The following SEM1 variants were observed in gnomAD, a reference collection of about 807,000 sequenced individuals.
SEM1 encodes SEM1 26S proteasome subunit.
SEM1 carries 3 observed loss-of-function variants against 12.7 expected under a neutral mutation model. The observed-to-expected ratio is 0.24, with a 90% confidence interval of 0.11 to 0.61. The LOEUF (loss-of-function observed/expected upper bound fraction) is 0.61. SEM1 is among the 20% of genes least tolerant of loss of function. SEM1 has a pLI of 0.88. For missense variants in SEM1, 59 were observed against 81.3 expected (o/e 0.73, Z 1.06); for synonymous variants, 30 against 27.8 (o/e 1.08, Z -0.25).
At chr7:96,662,435 C>T (rs556033400) in intron 2 of SEM1, among the ~76,000 whole-genome samples, 14 of 152,200 alleles carry the variant, frequency 9.2e-5, no homozygotes, top group African/African-American at 2.2e-4. Context: ...AACCAAACAC[C>T]GCATGCTCTC....
intron 2 of SEM1, among the ~76,000 whole-genome samples, chr7:96,560,443 A>C (rs908197021): frequency 2.6e-5 from 4 of 152,158 alleles, no homozygotes; most frequent in Non-Finnish European, 4.4e-5. Flanking sequence ...TTCTTTAGTA[A>C]AGTACAATTA....
chr7:96,630,783 C>T (rs1050205433), intron 2 of SEM1, among the ~76,000 whole-genome samples: 22 of 151,500 alleles, frequency 1.5e-4, no homozygotes, highest in Admixed American at 1.4e-3. Flanking sequence ...CACCCAAGGC[C>T]CTTGCCATGA....
chr7:96,677,701 A>C (rs1789488775), intron 2 of SEM1, among the ~76,000 whole-genome samples: 1 of 152,002 alleles, frequency 6.6e-6, no homozygotes, highest in Non-Finnish European at 1.5e-5. Flanking sequence ...CATCATTATT[A>C]TCTCTTTTTA....
exon 4 of SEM1, chr7:96,482,668 A>G (rs1171765433): frequency 1.3e-5 from 2 of 152,168 alleles, no homozygotes; most frequent in African/African-American, 4.8e-5. Context: ...TTGGGGGCAA[A>G]TGTTTCCCGG....
At chr7:96,705,182 G>T (rs932171840) in intron 1 of SEM1, among the ~76,000 whole-genome samples, 1 of 152,040 alleles carries the variant, frequency 6.6e-6, no homozygotes, top group South Asian at 2.1e-4. Context: ...ATTTCTCCAG[G>T]GGCCAGAGGG....
chr7:96,507,340 T>G (rs1803785893), intron 2 of SEM1, among the ~76,000 whole-genome samples: 1 of 152,124 alleles, frequency 6.6e-6, no homozygotes, highest in African/African-American at 2.4e-5. Flanking sequence ...GCCAATAATA[T>G]TTTATTGCTG....
chr7:96,517,696 C>A (rs541648198), intron 2 of SEM1, among the ~76,000 whole-genome samples: 2 of 152,130 alleles, frequency 1.3e-5, no homozygotes, highest in Middle Eastern at 6.8e-3. Context: ...GGGATAGTAA[C>A]AAATAGTCAT....
intron 2 of SEM1, among the ~76,000 whole-genome samples, chr7:96,605,534 A>G (rs1480765768): frequency 6.6e-6 from 1 of 152,236 alleles, no homozygotes; most frequent in Non-Finnish European, 1.5e-5. Context: ...CTCTCCAGAT[A>G]TAGGCCAAGG....
chr7:96,608,315 G>A (rs1282844280), intron 2 of SEM1, among the ~76,000 whole-genome samples: 1 of 152,132 alleles, frequency 6.6e-6, no homozygotes, highest in Non-Finnish European at 1.5e-5. Flanking sequence ...TGTGTTGGTT[G>A]GAACCCTACT....
At chr7:96,674,101 A>G (rs758750881) in intron 2 of SEM1, among the ~76,000 whole-genome samples, 1 of 152,112 alleles carries the variant, frequency 6.6e-6, no homozygotes, top group Non-Finnish European at 1.5e-5. Context: ...CACTCTTGCT[A>G]TTCTCTATTA....
At chr7:96,704,891 T>A (rs3942589) in intron 1 of SEM1, among the ~76,000 whole-genome samples, 1 of 152,132 alleles carries the variant, frequency 6.6e-6, no homozygotes, top group Non-Finnish European at 1.5e-5. Context: ...TATTTCTCAA[T>A]AGCATTTTTC....
intron 1 of SEM1, among the ~76,000 whole-genome samples, chr7:96,492,669 G>A (rs11767681): frequency 0.16 from 21,646 of 137,530 alleles, 1,633 homozygotes; most frequent in Middle Eastern, 0.31. Flanking sequence ...GGGCTCAAGC[G>A]ATCCACCAGC....
intron 2 of SEM1, among the ~76,000 whole-genome samples, chr7:96,680,199 G>GAT (rs1353180435): frequency 2.0e-5 from 3 of 152,010 alleles, no homozygotes; most frequent in Non-Finnish European, 4.4e-5. Context: ...TAACTTGCTA[G>GAT]ATATACACTC....
intron 1 of SEM1, among the ~76,000 whole-genome samples, chr7:96,700,810 C>A (rs1790247382): frequency 6.6e-6 from 1 of 152,172 alleles, no homozygotes; most frequent in South Asian, 2.1e-4. Flanking sequence ...GTTCACACCT[C>A]TCACTATCCC....
At chr7:96,596,820 T>A (rs1027526622) in intron 2 of SEM1, among the ~76,000 whole-genome samples, 1 of 152,248 alleles carries the variant, frequency 6.6e-6, no homozygotes, top group Non-Finnish European at 1.5e-5. Context: ...CAACATTTTT[T>A]AGCCATCTGC....
intron 2 of SEM1, among the ~76,000 whole-genome samples, chr7:96,657,973 C>G (rs757647715): frequency 3.3e-5 from 5 of 152,202 alleles, no homozygotes; most frequent in African/African-American, 9.6e-5. Flanking sequence ...CACCTGCTGA[C>G]AGGGTCTTTC....
chr7:96,650,339 G>C (rs1374378146), intron 2 of SEM1: 2 of 520,928 alleles, frequency 3.8e-6, no homozygotes. Context: ...TCTTTGTCTT[G>C]TGAGTTGATG....
At chr7:96,525,954 G>T (rs1804450945) in intron 2 of SEM1, among the ~76,000 whole-genome samples, 1 of 152,080 alleles carries the variant, frequency 6.6e-6, no homozygotes. Flanking sequence ...TGCCAAAAAG[G>T]TTGGGGACCA....
At chr7:96,547,391 TGTG>T (rs941145831) in intron 2 of SEM1, among the ~76,000 whole-genome samples, 3 of 152,266 alleles carry the variant, frequency 2.0e-5, no homozygotes, top group African/African-American at 7.2e-5. Context: ...AATAGAGTAT[TGTG>T]GTCAGTTTAG....
Sources: allele counts gnomAD v4.1 joint callset (sites outside exome capture counted in the v4.1 genomes callset), GRCh38; gene constraint gnomAD v4.1.1; transcripts MANE v1.5; gene names NCBI Gene and HGNC (gene_info 2026-07-23, HGNC 2026-07-21).